The following FRS2 variants were observed in gnomAD, a reference collection of about 807,000 sequenced individuals.
FRS2 encodes the protein FGFR signalling adaptor.
FRS2 carries 8 observed loss-of-function variants against 43.9 expected under a neutral mutation model. The observed-to-expected ratio is 0.18, with a 90% CI of 0.11 to 0.33. FRS2 has a LOEUF of 0.33. Ranked by LOEUF, FRS2 falls within the 10% of genes least tolerant of loss-of-function variation. The pLI, the probability that FRS2 is intolerant of heterozygous loss-of-function variation, is 1.00. For missense variants in FRS2, 534 were observed against 627.6 expected, an observed-to-expected ratio of 0.85 and a Z score of 1.59; for synonymous variants, 219 against 220.3, an observed-to-expected ratio of 0.99 and a Z score of 0.05.
intron 1 of FRS2, among the ~76,000 whole-genome samples, chr12:69,499,219 T>A (rs2121067069): frequency 6.6e-6 from 1 of 152,264 alleles, no homozygotes; most frequent in South Asian, 2.1e-4. Context: ...GGAGTATTAT[T>A]CAGGCAATTG....
intron 1 of FRS2, among the ~76,000 whole-genome samples, chr12:69,498,519 T>TGTGTGTGTG (rs1873117530): frequency 2.8e-5 from 4 of 141,502 alleles, no homozygotes; most frequent in South Asian, 2.4e-4. Context: ...TTATGAGGGT[T>TGTGTGTGTG]TGTGTGTGTG....
chr12:69,509,067 GAA>G (rs1294111658), intron 1 of FRS2, among the ~76,000 whole-genome samples: 6 of 152,082 alleles, frequency 3.9e-5, no homozygotes, highest in Non-Finnish European at 8.8e-5. Context: ...TAACAAATCT[GAA>G]ACAGCTCTTA....
At chr12:69,545,750 T>A (rs1878320613) in intron 3 of FRS2, among the ~76,000 whole-genome samples, 1 of 108,254 alleles carries the variant, frequency 9.2e-6, no homozygotes, top group Admixed American at 1.2e-4. Flanking sequence ...TGTGAGACCC[T>A]GTCTCAAAAA....
chr12:69,523,146 CCT>C (rs1237809507), intron 1 of FRS2, among the ~76,000 whole-genome samples: 1 of 152,116 alleles, frequency 6.6e-6, no homozygotes, highest in Non-Finnish European at 1.5e-5. Context: ...TAATATTCCT[CCT>C]CTAAGGTCTG....
At chr12:69,541,111 A>G (rs1027381205) in intron 3 of FRS2, among the ~76,000 whole-genome samples, 4 of 151,348 alleles carry the variant, frequency 2.6e-5, no homozygotes, top group Non-Finnish European at 4.4e-5. Flanking sequence ...GAATTTTTTT[A>G]AACCTAGAAG....
chr12:69,516,269 C>A lies in FRS2; in HGVS notation c.-260-14596C>A, dbSNP rs908419147. Among the ~76,000 whole-genome samples the A allele has an allele frequency of 5.3e-5, 8 of 150,226 alleles. 1 individual carries two copies. Among genetic ancestry groups the A allele is most frequent in the Admixed American group, 4.0e-4 (6 of 15,082 alleles). On this transcript the variant is annotated intron_variant, in intron 1 of 8. Transcript: ENST00000549921. Reference sequence around the variant, plus strand: ...GTTTCGCTCTTGTTGCCCAGGCTGGCGTGCAATGGCGCGATCTCGGCTCAC... The same window carrying A: ...GTTTCGCTCTTGTTGCCCAGGCTGGAGTGCAATGGCGCGATCTCGGCTCAC...
intron 1 of FRS2, among the ~76,000 whole-genome samples, chr12:69,478,504 G>A (rs886349575): frequency 2.0e-5 from 3 of 152,136 alleles, no homozygotes; most frequent in African/African-American, 7.2e-5. Flanking sequence ...AGAGAAGAGA[G>A]ATCACACATC....
intron 1 of FRS2, 143 bp downstream of exon 1, chr12:69,470,673 C>G (rs1870179174): frequency 5.9e-6 from 1 of 169,938 alleles, no homozygotes; most frequent in South Asian, 2.2e-4. Context: ...CCGCCGCGGA[C>G]TTCTCCGGGC....
chr12:69,501,700 T>C (rs1406656759), intron 1 of FRS2, among the ~76,000 whole-genome samples: 4 of 152,174 alleles, frequency 2.6e-5, no homozygotes, highest in Non-Finnish European at 5.9e-5. Context: ...TTCAAGCATA[T>C]CAGGATTCTC....
At chr12:69,553,395 C>T (rs1432183639) in intron 3 of FRS2, among the ~76,000 whole-genome samples, 6 of 152,078 alleles carry the variant, frequency 3.9e-5, no homozygotes, top group Admixed American at 1.3e-4. Context: ...TTAGGAGGAG[C>T]TTGCAACCTA....
intron 8 of FRS2, among the ~76,000 whole-genome samples, chr12:69,572,514 C>T (rs1880852668): frequency 6.6e-6 from 1 of 152,162 alleles, no homozygotes; most frequent in Non-Finnish European, 1.5e-5. Flanking sequence ...AGAAGAGGTA[C>T]ATCTATAGAT....
At chr12:69,484,583 G>T (rs965889214) in intron 1 of FRS2, among the ~76,000 whole-genome samples, 1 of 152,136 alleles carries the variant, frequency 6.6e-6, no homozygotes, top group African/African-American at 2.4e-5. Flanking sequence ...TCTGCTCCCT[G>T]TTCAAAGAGC....
chr12:69,555,111 C>G (rs1773471922), intron 3 of FRS2, among the ~76,000 whole-genome samples: 1 of 151,996 alleles, frequency 6.6e-6, no homozygotes, highest in African/African-American at 2.4e-5. Context: ...GTGGCGCAAT[C>G]TCAGCTCACT....
Position 69,575,082 on chromosome 12 carries a change from A to G in FRS2, c.*127A>G, listed in dbSNP as rs952470990. The G allele has an allele frequency of 6.4e-6, 4 of 629,208 alleles. No individual in the cohort carries two copies. The highest frequency in any genetic ancestry group is 1.1e-5 in the Non-Finnish European group (4 of 357,930). The allele number at this position is 629,208 out of a possible 1,614,324, so 39.0% of individuals were successfully genotyped here. A position where few individuals can be genotyped will look rare whatever the true frequency, so the allele number is the denominator to read the frequency against. ...GATAAAATTTTTTTCTGAATATTTC[A>G]TGTGCATCTTTAACTAAAGGGAATT... On this transcript the variant is annotated 3_prime_UTR_variant, in exon 9 of 9. Coordinates refer to ENST00000549921, the MANE Select transcript of FRS2 (RefSeq NM_001278356.2).
At chr12:69,536,314 G>A (rs1210502971) in intron 3 of FRS2, among the ~76,000 whole-genome samples, 1 of 151,146 alleles carries the variant, frequency 6.6e-6, no homozygotes. Context: ...AAGTAGAGAT[G>A]GGGTTTCCCA....
chr12:69,550,755 T>G (rs1262058821), intron 3 of FRS2, among the ~76,000 whole-genome samples: 6 of 152,252 alleles, frequency 3.9e-5, no homozygotes, highest in Non-Finnish European at 7.3e-5. Flanking sequence ...ATGAATCATT[T>G]CTGGGAATAC....
At chr12:69,556,297 C>A (rs1370106181) in intron 3 of FRS2, among the ~76,000 whole-genome samples, 4 of 151,910 alleles carry the variant, frequency 2.6e-5, no homozygotes, top group Admixed American at 6.6e-5. Context: ...TTTCTATATT[C>A]AGTTTTGAAA....
At position 69,579,468 on chromosome 12, in the gene FRS2, G is replaced by C. The variant is rs987916882; in HGVS notation, c.*4513G>C. On this transcript the variant is annotated 3_prime_UTR_variant, in exon 9 of 9. Coordinates refer to ENST00000549921, the MANE Select transcript of FRS2 (RefSeq NM_001278356.2). ...AGCTAGTAATTGAATTTAGTTCAAG[G>C]GCTAAGCAACACATTTTTAAATCCT... The C allele has an allele frequency of 6.6e-6, 1 of 152,556 alleles. No homozygotes were observed. Among genetic ancestry groups the C allele is most frequent in the Non-Finnish European group, 1.5e-5 (1 of 68,016 alleles). 9.5% of individuals were successfully genotyped at this position (152,556 alleles called of 1,614,324 possible).
At position 69,534,037 on chromosome 12, in the gene FRS2, A is replaced by G. The variant is rs192332141; in HGVS notation, c.-122+1981A>G. Among the ~76,000 whole-genome samples the G allele has an allele frequency of 3.3e-5, 5 of 152,320 alleles. No individual in the cohort carries two copies. In the East Asian group the frequency reaches 5.8e-4, roughly 18 times the overall value. ...GTGGAAAGACTGAGAGAGATTTCACATGTAGGTGGTGGAATATGGAAATGC... is the reference window on the plus strand; with the variant it reads ...GTGGAAAGACTGAGAGAGATTTCACGTGTAGGTGGTGGAATATGGAAATGC... On this transcript the variant is annotated intron_variant, in intron 3 of 8. Transcript: ENST00000549921.
Sources: allele counts gnomAD v4.1 joint callset (sites outside exome capture counted in the v4.1 genomes callset), GRCh38; gene constraint gnomAD v4.1.1; transcripts MANE v1.5; gene names NCBI Gene and HGNC (gene_info 2026-07-23, HGNC 2026-07-21).